DLD: variants seen among roughly 807,000 people sequenced by gnomAD.
The protein encoded by DLD is dihydrolipoamide dehydrogenase.
Under a neutral mutation model 62.2 loss-of-function variants are expected in DLD, and 36 were observed. The ratio of observed to expected loss-of-function variants is 0.58; its 90% CI spans 0.44 to 0.76. The LOEUF is 0.76. Ranked by LOEUF, DLD falls within the 30% of genes least tolerant of loss-of-function variation. The probability of loss-of-function intolerance (pLI) is 0.00; values close to 1 mark genes in which losing one functional copy is unlikely to be tolerated. For synonymous variants in DLD, 204 were observed against 199.6 expected (o/e 1.02, Z -0.19); for missense variants, 541 against 608.6 (o/e 0.89, Z 1.17).
chr7:107,902,272 G>T, intron 3 of DLD, 53 bp from the exon 4 acceptor site: 4 of 1,491,944 alleles, frequency 2.7e-6, no homozygotes, highest in South Asian at 2.3e-5. Context: ...GAATTTTAGT[G>T]ATCTGAAACA....
At chr7:107,914,231 T>A (rs1399393583) in intron 8 of DLD, among the ~76,000 whole-genome samples, 2 of 152,138 alleles carry the variant, frequency 1.3e-5, no homozygotes, top group Non-Finnish European at 2.9e-5. Context: ...CCATTTTTTA[T>A]TGAATTTTTC....
intron 9 of DLD, 130 bp from the exon 10 acceptor site, chr7:107,916,664 C>CT (rs1358171920): frequency 2.0e-6 from 2 of 982,844 alleles, no homozygotes; most frequent in South Asian, 1.4e-5. Context: ...GAGCAAGACT[C>CT]TGTCTCAAAA....
chr7:107,913,777 AGTG>A (rs775993759), intron 8 of DLD, among the ~76,000 whole-genome samples: 2 of 152,172 alleles, frequency 1.3e-5, no homozygotes, highest in Non-Finnish European at 2.9e-5. Context: ...GTTGAATAAA[AGTG>A]GTGAAAAATG....
chr7:107,903,038 AATT>A lies in DLD; in HGVS notation c.268-439_268-437del, dbSNP rs561621953. Among the ~76,000 whole-genome samples, 319 of 152,306 alleles carry A rather than the reference AATT, an allele frequency of 2.1e-3. 1 individual carries two copies. Among genetic ancestry groups the A allele is most frequent in the Non-Finnish European group, 3.7e-3 (255 of 68,034 alleles). ...ATGATTTATGACTATAATGTGGAAT[AATT>A]TAGTCAAGTTAATTAACATATTCAT... On this transcript the variant is annotated intron_variant, in intron 4 of 13. Coordinates refer to ENST00000205402, the MANE Select transcript of DLD (RefSeq NM_000108.5).
At chr7:107,896,995 C>T (rs1271979047) in intron 2 of DLD, among the ~76,000 whole-genome samples, 4 of 151,862 alleles carry the variant, frequency 2.6e-5, no homozygotes, top group Non-Finnish European at 4.4e-5. Flanking sequence ...GCCACCAGCC[C>T]GGCTAATTTT....
chr7:107,916,860 C>A lies in DLD; in HGVS notation c.942C>A (p.Gly314=), dbSNP rs1427782138. 6.2e-7 allele frequency: 1 copy of A among 1,612,766 alleles called. No individual in the cohort carries two copies. Among genetic ancestry groups the A allele is most frequent in the African/African-American group, 1.3e-5 (1 of 74,432 alleles). The change falls in exon 10 of 14, where the codon GGC becomes GGA. Residue 314 remains glycine, a synonymous_variant. Transcript: ENST00000205402. Reference sequence around the variant, plus strand: ...GTGATGTACTCTTGGTTTGCATTGGCCGACGACCCTTTACTAAGAATTTGG... The same window carrying A: ...GTGATGTACTCTTGGTTTGCATTGGACGACGACCCTTTACTAAGAATTTGG... ...ITCDVLLVCI[G]RRPFTKNLGL... is the part of the protein sequence containing the mutation.
intron 2 of DLD, among the ~76,000 whole-genome samples, chr7:107,898,161 T>C (rs1433708738): frequency 6.6e-6 from 1 of 152,110 alleles, no homozygotes; most frequent in Non-Finnish European, 1.5e-5. Flanking sequence ...TAAAGGACCT[T>C]GTTTGAATCA....
rs1258505555 is a variant in DLD, at chr7:107,919,045, T to C, written c.1410T>C (p.Ala470=). ...AGEMVNEAAL[A]LEYGASCEDI... is the part of the protein sequence containing the mutation. ...AAATGGTAAATGAAGCTGCTCTTGCTTTGGAATATGGAGCATCCTGTGAAG... is the reference window on the plus strand; with the variant it reads ...AAATGGTAAATGAAGCTGCTCTTGCCTTGGAATATGGAGCATCCTGTGAAG... Residue 470 remains alanine, a synonymous_variant, in exon 13 of 14, where the codon GCT becomes GCC. Coordinates refer to ENST00000205402, the MANE Select transcript of DLD (RefSeq NM_000108.5). 6.2e-7 allele frequency: 1 copy of C among 1,614,012 alleles called. No individual in the cohort carries two copies. Among genetic ancestry groups the C allele is most frequent in the Admixed American group, 1.7e-5 (1 of 60,012 alleles).
chr7:107,916,779 CTGTT>C lies in DLD; in HGVS notation c.876-10_876-7del, dbSNP rs767817074. The C allele has an allele frequency of 6.2e-6, 10 of 1,611,626 alleles. No homozygotes were observed. The highest frequency in any genetic ancestry group is 5.5e-5 in the South Asian group (5 of 90,976). ...TAGGTGTGTATTTAACATTTATACA[CTGTT>C]TGTTATCTAGTATTGAAGCTGCTTC... is the stretch of plus-strand genomic sequence containing the variant. On this transcript the variant is annotated splice_polypyrimidine_tract_variant and intron_variant, in intron 9 of 13. Coordinates refer to ENST00000205402, the MANE Select transcript of DLD (RefSeq NM_000108.5).
intron 5 of DLD, 82 bp downstream of exon 5, chr7:107,903,629 G>A (rs1424981786): frequency 1.1e-5 from 8 of 759,664 alleles, no homozygotes; most frequent in African/African-American, 5.2e-5. Context: ...TGTGTCTAAC[G>A]TACGCATAAT....
At position 107,917,406 on chromosome 7, in the gene DLD, T is replaced by A; in HGVS notation, c.1180T>A (p.Tyr394Asn). 3.1e-6 allele frequency: 5 copies of A among 1,614,188 alleles called. No homozygotes were observed. Among genetic ancestry groups the A allele is most frequent in the Non-Finnish European group, 4.2e-6 (5 of 1,180,020 alleles). ...CTACAATTGTGTGCCATCAGTGATT[T>A]ACACACACCCTGAAGTTGCTTGGGT... ...IDYNCVPSVI[Y>N]THPEVAWVGK... Residue 394 changes from tyrosine (Y) to asparagine (N), a missense_variant, in exon 11 of 14, where the codon TAC (tyrosine) becomes AAC (asparagine). Transcript: ENST00000205402.
intron 2 of DLD, among the ~76,000 whole-genome samples, chr7:107,900,910 C>CT (rs990516277): frequency 8.5e-5 from 13 of 152,150 alleles, no homozygotes; most frequent in Admixed American, 6.5e-4. Context: ...GTCACTGTTA[C>CT]TTTATTTGAA....
chr7:107,905,482 T>C lies in DLD; in HGVS notation c.560T>C (p.Val187Ala), dbSNP rs1195533322. Reference sequence around the variant, plus strand: ...ATTCTTATAGCCACGGGTTCAGAAGTTACTCCTTTTCCTGGAATCACGGTA... The same window carrying C: ...ATTCTTATAGCCACGGGTTCAGAAGCTACTCCTTTTCCTGGAATCACGGTA... Reference protein sequence around the residue: ...KNILIATGSEVTPFPGITIDE... With the variant: ...KNILIATGSEATPFPGITIDE... Residue 187 changes from valine to alanine, a missense_variant, in exon 7 of 14, where the codon GTT becomes GCT. Transcript: ENST00000205402. 49 of 1,613,714 alleles carry C rather than the reference T, an allele frequency of 3.0e-5. 2 individuals carry two copies. The Admixed American group carries it at 8.2e-4, about 27-fold the overall frequency.
chr7:107,902,976 T>A (rs2031912293), intron 4 of DLD, among the ~76,000 whole-genome samples: 1 of 152,216 alleles, frequency 6.6e-6, no homozygotes, highest in African/African-American at 2.4e-5. Context: ...ATTGACAAAT[T>A]ACAATTGTAT....
rs79368866 is a variant in DLD at position 107,904,582 on chromosome 7, T to A, written c.338-376T>A. ...AAACGTGTATTTTTTATTTGTTTTG[T>A]TTCATGAAATCTAGCATTTTCCTTT... On this transcript the variant is annotated intron_variant, in intron 5 of 13. Transcript: ENST00000205402. 3.9e-3 allele frequency: 1,608 copies of A among 412,362 alleles called. 22 individuals are homozygous for A. Among genetic ancestry groups the A allele is most frequent in the African/African-American group, 0.031 (1,496 of 47,700 alleles). The allele number at this position is 412,362 out of a possible 1,614,324, so 25.5% of individuals were successfully genotyped here.
In DLD at chr7:107,908,984, CTA is replaced by C. The variant is rs1409082948; in HGVS notation, c.684+2617_684+2618del. Among the ~76,000 whole-genome samples, 5 of 152,282 alleles carry C rather than the reference CTA, an allele frequency of 3.3e-5. No homozygotes were observed. The East Asian group carries it at 9.6e-4, about 29-fold the overall frequency. On this transcript the variant is annotated intron_variant, in intron 8 of 13. Coordinates refer to ENST00000205402, the MANE Select transcript of DLD (RefSeq NM_000108.5). ...TTTGTCATCAACCTTTGGATCCTGT[CTA>C]GTCCGTTAAGAAAACTTGTAATCTA...
At chr7:107,911,925 T>C (rs1336293372) in intron 8 of DLD, among the ~76,000 whole-genome samples, 1 of 152,114 alleles carries the variant, frequency 6.6e-6, no homozygotes, top group Non-Finnish European at 1.5e-5. Context: ...TCTTATTTAT[T>C]CTGTCTAATT....
intron 8 of DLD, among the ~76,000 whole-genome samples, chr7:107,911,439 T>C (rs1478777115): frequency 1.3e-5 from 2 of 152,184 alleles, no homozygotes; most frequent in East Asian, 3.8e-4. Flanking sequence ...ATGACACTGC[T>C]ATGTCTATTT....
intron 12 of DLD, among the ~76,000 whole-genome samples, chr7:107,918,319 G>T (rs1018888436): frequency 2.0e-5 from 3 of 152,102 alleles, no homozygotes; most frequent in Admixed American, 1.3e-4. Context: ...TCCTCCAGTG[G>T]TGCTTTTCAA....
Sources: allele counts gnomAD v4.1 joint callset (sites outside exome capture counted in the v4.1 genomes callset), GRCh38; gene constraint gnomAD v4.1.1; transcripts MANE v1.5; gene names NCBI Gene and HGNC (gene_info 2026-07-23, HGNC 2026-07-21).